Variants in FUS observed in about 807,000 individuals in gnomAD.
The protein encoded by FUS is FUS RNA binding protein.
FUS carries 5 observed loss-of-function variants against 82.7 expected under a neutral mutation model. The observed-to-expected ratio is 0.06, with a 90% CI of 0.03 to 0.13. The LOEUF (loss-of-function observed/expected upper bound fraction) is 0.13. Among genes scored for constraint, FUS ranks in the 10% least tolerant of loss-of-function variants. FUS has a pLI of 1.00. For missense variants in FUS, 512 were observed against 707.8 expected (o/e 0.72, Z 3.14); for synonymous variants, 281 against 247.4 (o/e 1.14, Z -1.27).
At position 31,190,017 on chromosome 16, in the gene FUS, TTGA is replaced by T. The variant is rs750742445; in HGVS notation, c.1067-18_1067-16del. Reference sequence around the variant, plus strand: ...TAATGTGTCTTGCATTTAAAGTCTGTTGATGATTTTTTGTTTCTCTAGGTAAAG... The same window carrying T: ...TAATGTGTCTTGCATTTAAAGTCTGTTGATTTTTTGTTTCTCTAGGTAAAG... On this transcript the variant is annotated intron_variant, in intron 10 of 14. Transcript: ENST00000254108. The T allele has an allele frequency of 1.5e-5, 24 of 1,597,318 alleles. No homozygotes were observed. Among genetic ancestry groups the T allele is most frequent in the African/African-American group, 4.0e-5 (3 of 74,690 alleles).
intron 3 of FUS, chr16:31,182,994 C>G (rs2079204103): frequency 2.6e-6 from 1 of 377,956 alleles, no homozygotes; most frequent in African/African-American, 2.1e-5. Flanking sequence ...CAGGCGTCAG[C>G]CACAATGCCC....
chr16:31,186,523 C>T (rs946668576), intron 6 of FUS: 22 of 522,636 alleles, frequency 4.2e-5, no homozygotes, highest in Non-Finnish European at 6.2e-5. Flanking sequence ...ATCGGAAGAA[C>T]GACCAAGGAA....
chr16:31,191,711 A>G (rs969680828), downstream of FUS: 1 of 671,630 alleles, frequency 1.5e-6, no homozygotes, highest in Non-Finnish European at 2.7e-6. Context: ...GAACTGGAAT[A>G]CAGTGTTCGG....
chr16:31,187,371 C>G (rs1306634102), intron 7 of FUS: 7 of 238,386 alleles, frequency 2.9e-5, no homozygotes, highest in Non-Finnish European at 5.0e-5. Context: ...CTGAGATGGG[C>G]AAATAGAAAC....
chr16:31,185,694 G>T, intron 6 of FUS: 1 of 423,790 alleles, frequency 2.4e-6, no homozygotes, highest in Non-Finnish European at 4.8e-6. Context: ...GACCGACATT[G>T]ATTTTGTGTG....
At chr16:31,193,689 T>C (rs1285443026), downstream of FUS, 1 of 532,564 alleles carries the variant, frequency 1.9e-6, no homozygotes, top group Non-Finnish European at 3.6e-6. Flanking sequence ...TCCAGGAGAA[T>C]GGATAGAGAC....
chr16:31,188,901 T>C, intron 8 of FUS: 1 of 587,124 alleles, frequency 1.7e-6, no homozygotes, highest in Non-Finnish European at 3.0e-6. Context: ...CCATACTGTA[T>C]ACTGGGTGTT....
At position 31,184,021 on chromosome 16, in the gene FUS, C is replaced by T. The variant is rs773898038; in HGVS notation, c.335+19C>T. On this transcript the variant is annotated intron_variant, in intron 4 of 14. Transcript: ENST00000254108. ...CGGGAAGGTACGGTGGTGTTGATGT[C>T]GGGGAAGGCTTGAAAAGAGGGGTGA... 2.8e-5 allele frequency: 45 copies of T among 1,613,648 alleles called. No individual in the cohort carries two copies. The highest frequency in any genetic ancestry group is 6.7e-5 in the African/African-American group (5 of 74,782).
In FUS at chr16:31,185,187, T is replaced by A. The variant is rs2079249469; in HGVS notation, c.764+8T>A. On this transcript the variant is annotated splice_region_variant and intron_variant, in intron 6 of 14. Transcript: ENST00000254108. ...AGGCAGAGGTGGCATGGGGTAGGTG[T>A]CTCATGAGCCAGGGAGTATCTTTGG... is the stretch of plus-strand genomic sequence containing the variant. 6.2e-7 allele frequency: 1 copy of A among 1,603,896 alleles called. No homozygotes were observed. The highest frequency in any genetic ancestry group is 8.5e-7 in the Non-Finnish European group (1 of 1,174,596).
Position 31,184,802 on chromosome 16 carries a change from C to T in FUS, c.524-137C>T, listed in dbSNP as rs574397898. On this transcript the variant is annotated intron_variant, in intron 5 of 14. Coordinates refer to ENST00000254108, the MANE Select transcript of FUS (RefSeq NM_004960.4). ...CCTGTTTTAGCTTAAAAGAGGGTTC[C>T]TGTCTTGTTTCCTAGCTGTCTTTTT... 201 of 903,132 alleles carry T rather than the reference C, an allele frequency of 2.2e-4. 3 individuals carry two copies. In the South Asian group the frequency reaches 2.9e-3, roughly 13 times the overall value. The allele number at this position is 903,132 out of a possible 1,614,324, so 55.9% of individuals were successfully genotyped here.
intron 6 of FUS, 56 bp from the exon 7 acceptor site, chr16:31,186,746 A>G: frequency 1.9e-6 from 3 of 1,571,460 alleles, no homozygotes; most frequent in Non-Finnish European, 2.6e-6. Context: ...ATCAAAAAAC[A>G]ACCTTTTGTA....
intron 1 of FUS, among the ~76,000 whole-genome samples, chr16:31,180,872 A>G (rs957982298): frequency 2.0e-5 from 3 of 151,228 alleles, no homozygotes; most frequent in Admixed American, 6.6e-5. Context: ...GGTTCGACCA[A>G]CGGACTTGGG....
intron 14 of FUS, 112 bp downstream of exon 14, chr16:31,191,222 G>T: frequency 4.0e-6 from 6 of 1,508,140 alleles, no homozygotes; most frequent in Non-Finnish European, 4.6e-6. Flanking sequence ...AAAGACCTGA[G>T]GTTGTAACCA....
rs770393324 is a variant in FUS, at chr16:31,189,645, C to T, written c.937-20C>T. On this transcript the variant is annotated intron_variant, in intron 9 of 14. Transcript: ENST00000254108. ...ACTGTAGCCTTTAAAATTGATGTTA[C>T]CTCATTTTGCTTTCTTCAGACAAAC... The T allele has an allele frequency of 2.5e-6, 4 of 1,614,042 alleles. No homozygotes were observed. The highest frequency in any genetic ancestry group is 1.1e-5 in the South Asian group (1 of 91,076).
At chr16:31,194,179 T>TA, downstream of FUS, 2 of 530,608 alleles carry the variant, frequency 3.8e-6, no homozygotes, top group South Asian at 3.1e-5. Flanking sequence ...GGGCTGCAGT[T>TA]ATGTCAGTGG....
In FUS at chr16:31,188,139, A is replaced by G. The variant is rs2079297829; in HGVS notation, c.800-186A>G. ...TACAGATCTTAAGGGGCCTGCCTAG[A>G]ATTTTCTCCTCTGGGCAGGCGACCC... On this transcript the variant is annotated intron_variant, in intron 7 of 14. Transcript: ENST00000254108. 3 of 630,468 alleles carry G rather than the reference A, an allele frequency of 4.8e-6. No individual in the cohort carries two copies. In the South Asian group the frequency reaches 5.9e-5, roughly 12 times the overall value. The allele number at this position is 630,468 out of a possible 1,614,324, so 39.1% of individuals were successfully genotyped here. A position where few individuals can be genotyped will look rare whatever the true frequency, so the allele number is the denominator to read the frequency against.
chr16:31,189,948 T>C, intron 10 of FUS, 92 bp from the exon 11 acceptor site: 2 of 1,558,042 alleles, frequency 1.3e-6, no homozygotes, highest in East Asian at 2.3e-5. Context: ...GTCAGCAGAT[T>C]ATAAACCATT....
intron 6 of FUS, chr16:31,185,879 A>G (rs1302042415): frequency 3.8e-6 from 1 of 264,578 alleles, no homozygotes; most frequent in Non-Finnish European, 7.5e-6. Flanking sequence ...GATTTGAAGT[A>G]AAACCTTAGA....
chr16:31,188,618 G>A, intron 8 of FUS: 1 of 577,358 alleles, frequency 1.7e-6, no homozygotes, highest in Middle Eastern at 4.6e-4. Context: ...CCCCAGTGAT[G>A]CTGATGCGTC....
Sources: gnomAD v4.1 joint callset for allele counts (sites outside exome capture counted in the v4.1 genomes callset) on GRCh38, gnomAD v4.1.1 for gene constraint, MANE v1.5 for transcripts, NCBI Gene and HGNC (gene_info 2026-07-23, HGNC 2026-07-21) for gene names.